HSPA4: variants seen among roughly 807,000 people sequenced by gnomAD.
HSPA4 encodes the protein heat shock protein family A (Hsp70) member 4, also known as heat shock 70 kDa protein 4.
In HSPA4, 25 loss-of-function variants were observed where a neutral mutation model predicts 106.2. The observed-to-expected ratio is 0.24, with a 90% CI of 0.17 to 0.33. HSPA4 has a LOEUF of 0.33. HSPA4 is among the 10% of genes least tolerant of loss of function. The pLI is 1.00. For missense variants in HSPA4, 841 were observed against 996.0 expected, an observed-to-expected ratio of 0.84 and a Z score of 2.10; for synonymous variants, 332 against 333.6, an observed-to-expected ratio of 1.00 and a Z score of 0.05.
chr5:133,052,035 C>T lies in HSPA4; in HGVS notation c.-216C>T, dbSNP rs1016124617. 2 of 533,400 alleles carry T rather than the reference C, an allele frequency of 3.7e-6. No homozygotes were observed. The highest frequency in any genetic ancestry group is 6.7e-6 in the Non-Finnish European group (2 of 300,736). 33.0% of individuals were successfully genotyped at this position (533,400 alleles called of 1,614,324 possible). On this transcript the variant is annotated 5_prime_UTR_variant, in exon 1 of 19. Transcript: ENST00000304858. ...TTCGAGATCTTCTCCGCCCCCGCTA[C>T]CGGCGCCTCCTCTGCGGCCACTGAG...
In HSPA4 at chr5:133,083,907, C is replaced by T. The variant is rs113240563; in HGVS notation, c.909-2875C>T. On this transcript the variant is annotated intron_variant, in intron 7 of 18. Coordinates refer to ENST00000304858, the MANE Select transcript of HSPA4 (RefSeq NM_002154.4). ...ATACTTCTTGCAGAAACTTAAATTG[C>T]GGACATCTATAAATGTAGACTTCTC... 2.9e-3 allele frequency among the ~76,000 whole-genome samples: 436 copies of T among 152,138 alleles called. 4 individuals carry two copies. Among genetic ancestry groups the T allele is most frequent in the African/African-American group, 9.9e-3 (413 of 41,530 alleles).
At position 133,078,498 on chromosome 5, in the gene HSPA4, G is replaced by T. The variant is rs1581472772; in HGVS notation, c.908+1600G>T. 2.0e-5 allele frequency among the ~76,000 whole-genome samples: 3 copies of T among 151,840 alleles called. No individual in the cohort carries two copies. In the South Asian group the frequency reaches 6.3e-4, roughly 32 times the overall value. On this transcript the variant is annotated intron_variant, in intron 7 of 18. Coordinates refer to ENST00000304858, the MANE Select transcript of HSPA4 (RefSeq NM_002154.4). ...AAAAATACAAAAACTAGCTGGGTGT[G>T]GTGGCAGGCGCCTGTAATCCCAGCT...
chr5:133,095,011 A>G (rs1240737879), intron 13 of HSPA4, among the ~76,000 whole-genome samples: 1 of 152,156 alleles, frequency 6.6e-6, no homozygotes, highest in Non-Finnish European at 1.5e-5. Flanking sequence ...TAGACAAATA[A>G]TACAGTTAGA....
chr5:133,071,697 T>C (rs1358606361), intron 4 of HSPA4, among the ~76,000 whole-genome samples: 1 of 152,232 alleles, frequency 6.6e-6, no homozygotes, highest in Non-Finnish European at 1.5e-5. Flanking sequence ...AAGCAAGGAC[T>C]GTTAGGTGGC....
chr5:133,104,333 A>T lies in HSPA4; in HGVS notation c.2420A>T (p.Asp807Val). ...QKNAEQNGPV[D>V]GQGDNPGPQA... The stretch of plus-strand genomic sequence containing the variant: ...AATGCAGAGCAGAATGGACCAGTGG[A>T]TGGACAAGGAGACAACCCAGGCCCC... The change falls in exon 19 of 19, where the codon GAT becomes GTT. Residue 807 changes from aspartate to valine, a missense_variant. By Grantham distance (152) the Asp-to-Val change is radical. This residue lies in a region of HSPA4 where 328 missense variants were observed against 372.2 expected (regional missense o/e 0.88). Transcript: ENST00000304858. The T allele has an allele frequency of 6.2e-7, 1 of 1,614,178 alleles. No individual in the cohort carries two copies. Among genetic ancestry groups the T allele is most frequent in the Non-Finnish European group, 8.5e-7 (1 of 1,180,012 alleles).
intron 12 of HSPA4, among the ~76,000 whole-genome samples, chr5:133,092,008 C>G: frequency 6.6e-6 from 1 of 152,138 alleles, no homozygotes; most frequent in Non-Finnish European, 1.5e-5. Flanking sequence ...CTGTTTGCGC[C>G]ACTGCACTCT....
At chr5:133,067,074 T>C (rs921194667) in intron 2 of HSPA4, among the ~76,000 whole-genome samples, 1 of 152,210 alleles carries the variant, frequency 6.6e-6, no homozygotes, top group Non-Finnish European at 1.5e-5. Flanking sequence ...CTTTCAACCA[T>C]AAACTATGGG....
At chr5:133,071,309 AAATT>A (rs1752917523) in intron 4 of HSPA4, among the ~76,000 whole-genome samples, 1 of 149,148 alleles carries the variant, frequency 6.7e-6, no homozygotes, top group Non-Finnish European at 1.5e-5. Flanking sequence ...AAAAAAAAAA[AAATT>A]AGCTGGGCAT....
Position 133,052,197 on chromosome 5 carries a change from G to C in HSPA4, c.-54G>C. The C allele has an allele frequency of 7.9e-7, 1 of 1,259,386 alleles. No individual in the cohort carries two copies. The highest frequency in any genetic ancestry group is 2.5e-5 in the East Asian group (1 of 39,754). The allele number at this position is 1,259,386 out of a possible 1,614,324, so 78.0% of individuals were successfully genotyped here. Reference sequence around the variant, plus strand: ...CACTCGCTAGCCCCGCCGGGGGTCCGTGTCCTGTCTCGGTGGCCGGACCCG... The same window carrying C: ...CACTCGCTAGCCCCGCCGGGGGTCCCTGTCCTGTCTCGGTGGCCGGACCCG... On this transcript the variant is annotated 5_prime_UTR_variant, in exon 1 of 19. Coordinates refer to ENST00000304858, the MANE Select transcript of HSPA4 (RefSeq NM_002154.4).
At chr5:133,068,881 T>G (rs954326318) in intron 3 of HSPA4, among the ~76,000 whole-genome samples, 1 of 152,152 alleles carries the variant, frequency 6.6e-6, no homozygotes, top group Non-Finnish European at 1.5e-5. Flanking sequence ...CTAAAAGTGG[T>G]GGAATTGACC....
rs1765608884 is a variant in HSPA4, at chr5:133,088,662, G to A, written c.1137+107G>A. 4.5e-5 allele frequency: 40 copies of A among 891,712 alleles called. 1 individual carries two copies. The South Asian group carries it at 6.2e-4, about 14-fold the overall frequency. The allele number at this position is 891,712 out of a possible 1,614,324, so 55.2% of individuals were successfully genotyped here. A position where few individuals can be genotyped will look rare whatever the true frequency, so the allele number is the denominator to read the frequency against. On this transcript the variant is annotated intron_variant, in intron 9 of 18. Transcript: ENST00000304858. ...GATTAGCTCAGGGTGACTTCAGGGT[G>A]TTGAGATTCCAAAACCTTTGTTTTA...
intron 1 of HSPA4, among the ~76,000 whole-genome samples, chr5:133,058,512 T>C (rs1228920153): frequency 6.6e-6 from 1 of 151,728 alleles, no homozygotes; most frequent in African/African-American, 2.4e-5. Context: ...ACCTTGTCTC[T>C]ACTAAAAAAT....
In HSPA4 at chr5:133,070,436, C is replaced by T. The variant is rs1317326071; in HGVS notation, c.369C>T (p.Ser123=). 3.7e-6 allele frequency: 6 copies of T among 1,611,992 alleles called. No homozygotes were observed. The highest frequency in any genetic ancestry group is 5.1e-6 in the Non-Finnish European group (6 of 1,179,462). The change falls in exon 4 of 19, where the codon TCC becomes TCT. Residue 123 remains serine, a synonymous_variant. Coordinates refer to ENST00000304858, the MANE Select transcript of HSPA4 (RefSeq NM_002154.4). ...AGCAAGTGACTGCCATGCTTTTGTC[C>T]AAACTGAAGGAGACAGCCGAAAGTG... The part of the protein sequence containing the change: ...TTEQVTAMLL[S]KLKETAESVL...
intron 8 of HSPA4, among the ~76,000 whole-genome samples, chr5:133,087,089 G>GT (rs1765586842): frequency 6.6e-6 from 1 of 152,182 alleles, no homozygotes. Flanking sequence ...CAGACTGAAA[G>GT]TTGGATATAA....
intron 15 of HSPA4, among the ~76,000 whole-genome samples, chr5:133,097,721 G>A (rs1413406179): frequency 2.0e-5 from 3 of 151,004 alleles, no homozygotes; most frequent in Admixed American, 2.0e-4. Flanking sequence ...GCTAATTTTT[G>A]TATTTTTAGT....
At chr5:133,055,344 C>A (rs530853615) in intron 1 of HSPA4, among the ~76,000 whole-genome samples, 1 of 88,302 alleles carries the variant, frequency 1.1e-5, no homozygotes, top group African/African-American at 4.6e-5. Flanking sequence ...TTTTTGGTAG[C>A]GGTTATGGAG....
intron 7 of HSPA4, among the ~76,000 whole-genome samples, chr5:133,079,301 C>T (rs780836451): frequency 9.2e-5 from 14 of 152,010 alleles, no homozygotes; most frequent in Non-Finnish European, 1.8e-4. Flanking sequence ...TTTCCTGTTT[C>T]CCCTTACCTC....
chr5:133,066,003 A>G (rs1165485461), intron 2 of HSPA4, among the ~76,000 whole-genome samples: 1 of 152,218 alleles, frequency 6.6e-6, no homozygotes, highest in Non-Finnish European at 1.5e-5. Flanking sequence ...TTTTTAATTA[A>G]GTTGGATGTT....
chr5:133,058,477 A>G (rs1561575367), intron 1 of HSPA4, among the ~76,000 whole-genome samples: 2 of 152,040 alleles, frequency 1.3e-5, no homozygotes. Flanking sequence ...CAGGAGTTTG[A>G]GACCAGCCTG....
Sources: gnomAD v4.1 joint callset for allele counts (sites outside exome capture counted in the v4.1 genomes callset) on GRCh38, gnomAD v4.1.1 for gene constraint, gnomAD v4.1.1 regional missense constraint, MANE v1.5 for transcripts, NCBI Gene and HGNC (gene_info 2026-07-23, HGNC 2026-07-21) for gene names.